Variants in ZNF236 observed in about 807,000 individuals in gnomAD.
The protein encoded by ZNF236 is regulated by glucose.
Under a neutral mutation model 191.2 loss-of-function variants are expected in ZNF236, and 50 were observed. The ratio of observed to expected loss-of-function variants is 0.26; its 90% CI spans 0.21 to 0.33. The LOEUF (loss-of-function observed/expected upper bound fraction) is 0.33, where lower values mean the gene tolerates loss of function less well. Ranked by LOEUF, ZNF236 falls within the 10% of genes least tolerant of loss-of-function variation. The pLI is 1.00. For missense variants in ZNF236, 1,754 were observed against 2,374.5 expected (o/e 0.74, Z 5.43); for synonymous variants, 907 against 928.8 (o/e 0.98, Z 0.43).
chr18:76,934,666 C>T (rs1002148949), intron 25 of ZNF236, among the ~76,000 whole-genome samples: 2 of 152,036 alleles, frequency 1.3e-5, no homozygotes, highest in African/African-American at 2.4e-5. Context: ...TCCCATTCCC[C>T]GGTGTATATT....
intron 1 of ZNF236, chr18:76,824,162 C>G: frequency 1.6e-6 from 1 of 609,326 alleles, no homozygotes. Flanking sequence ...AAGGTCGGGC[C>G]TGGAAACTAC....
intron 30 of ZNF236, among the ~76,000 whole-genome samples, chr18:76,965,195 T>C (rs990009600): frequency 6.6e-6 from 1 of 152,318 alleles, no homozygotes; most frequent in East Asian, 1.9e-4. Flanking sequence ...TTTCAGAGCA[T>C]TTTGCATTTC....
At chr18:76,884,001 C>T (rs998849236) in intron 9 of ZNF236, among the ~76,000 whole-genome samples, 3 of 152,106 alleles carry the variant, frequency 2.0e-5, no homozygotes, top group Non-Finnish European at 2.9e-5. Flanking sequence ...TGAATGTTTT[C>T]GGCGGGATTT....
chr18:76,866,133 G>A (rs1234410183), intron 3 of ZNF236, among the ~76,000 whole-genome samples: 3 of 152,130 alleles, frequency 2.0e-5, no homozygotes, highest in African/African-American at 7.2e-5. Flanking sequence ...CTTCCCTTAA[G>A]GGGTGTTACA....
At chr18:76,898,545 G>T (rs1977500695) in intron 10 of ZNF236, among the ~76,000 whole-genome samples, 1 of 152,210 alleles carries the variant, frequency 6.6e-6, no homozygotes, top group Non-Finnish European at 1.5e-5. Context: ...GAAGATATTA[G>T]TACTATTATC....
In ZNF236 at chr18:76,881,462, T is replaced by C. The variant is rs1000985198; in HGVS notation, c.1367T>C (p.Leu456Pro). Residue 456 changes from leucine (L) to proline (P), a missense_variant, in exon 9 of 31, where the codon CTG (leucine) becomes CCG (proline). Transcript: ENST00000320610. ...QEKEQESPEK[L>P]DKKEKKMIKK... is the part of the protein sequence containing the mutation. ...AAAGAACAGGAAAGCCCGGAGAAAC[T>C]GGATAAAAAAGAAAAAAAAATGATA... 2 of 1,613,104 alleles carry C rather than the reference T, an allele frequency of 1.2e-6. No homozygotes were observed. The highest frequency in any genetic ancestry group is 1.7e-6 in the Non-Finnish European group (2 of 1,179,838).
chr18:76,880,647 T>A lies in ZNF236; in HGVS notation c.1188+331T>A, dbSNP rs1369215645. Among the ~76,000 whole-genome samples the A allele has an allele frequency of 1.3e-5, 2 of 152,128 alleles. No homozygotes were observed. The highest frequency in any genetic ancestry group is 4.1e-4 in the South Asian group (2 of 4,820). On this transcript the variant is annotated intron_variant, in intron 8 of 30. Transcript: ENST00000320610. The surrounding 1 kb of genome is among the most constrained non-coding windows in gnomAD (Gnocchi z 5.0). ...AAAAGCGTTTTATTCTTTCTTGAGGTTCTGGTTTATGATTTGGAGACAGTC... is the reference window on the plus strand; with the variant it reads ...AAAAGCGTTTTATTCTTTCTTGAGGATCTGGTTTATGATTTGGAGACAGTC...
chr18:76,952,384 T>C (rs1404436048), intron 27 of ZNF236, among the ~76,000 whole-genome samples: 1 of 152,252 alleles, frequency 6.6e-6, no homozygotes, highest in Non-Finnish European at 1.5e-5. Flanking sequence ...AATGCTTTCT[T>C]GTCACAGATG....
At chr18:76,950,063 G>C (rs1388028595) in intron 27 of ZNF236, among the ~76,000 whole-genome samples, 2 of 152,136 alleles carry the variant, frequency 1.3e-5, no homozygotes, top group African/African-American at 4.8e-5. Flanking sequence ...TCTTTTTGCT[G>C]GTTGAGGGTC....
intron 27 of ZNF236, among the ~76,000 whole-genome samples, chr18:76,948,550 G>A (rs1399771383): frequency 6.6e-6 from 1 of 152,176 alleles, no homozygotes; most frequent in Non-Finnish European, 1.5e-5. Context: ...GGTTACAATG[G>A]AAGGGTGCAG....
chr18:76,843,835 C>T lies in ZNF236; in HGVS notation c.56-5691C>T, dbSNP rs868496510. Among the ~76,000 whole-genome samples the T allele has an allele frequency of 3.5e-4, 50 of 143,308 alleles. 1 individual carries two copies. The highest frequency in any genetic ancestry group is 1.3e-3 in the African/African-American group (49 of 38,420). The allele number at this position is 143,308 out of a possible 152,430, so 94.0% of individuals were successfully genotyped here. ...AGAAGAGACCGGGCGCAGTGGCTCA[C>T]GCCTGTAATCCCAGCACAGGGAAGA... On this transcript the variant is annotated intron_variant, in intron 1 of 30. Coordinates refer to ENST00000320610, the MANE Select transcript of ZNF236 (RefSeq NM_001306089.2).
rs1227064175 is a variant in ZNF236 at position 76,972,357 on chromosome 18, G to T, written c.*4018G>T. On this transcript the variant is annotated 3_prime_UTR_variant, in exon 31 of 31. Transcript: ENST00000320610. Reference sequence around the variant, plus strand: ...TTGCCACAACATGTCCTGTTTGGTGGCTGGCCCTCTCCGAACGGATTCCCC... The same window carrying T: ...TTGCCACAACATGTCCTGTTTGGTGTCTGGCCCTCTCCGAACGGATTCCCC... Among the ~76,000 whole-genome samples the T allele has an allele frequency of 6.6e-6, 1 of 152,080 alleles. No individual in the cohort carries two copies. The highest frequency in any genetic ancestry group is 1.5e-5 in the Non-Finnish European group (1 of 68,020).
intron 1 of ZNF236, chr18:76,824,456 T>C: frequency 1.3e-6 from 1 of 781,016 alleles, no homozygotes; most frequent in Non-Finnish European, 2.4e-6. Context: ...TTTTGATTAA[T>C]GGTTGATGGT....
chr18:76,954,908 T>G (rs1294188293), intron 27 of ZNF236, among the ~76,000 whole-genome samples: 2 of 152,256 alleles, frequency 1.3e-5, no homozygotes, highest in African/African-American at 4.8e-5. Flanking sequence ...ATAGCACAGA[T>G]TAATAATATA....
Position 76,900,598 on chromosome 18 carries a change from T to G in ZNF236, c.1894+1376T>G, listed in dbSNP as rs549528834. Among the ~76,000 whole-genome samples, 10 of 152,302 alleles carry G rather than the reference T, an allele frequency of 6.6e-5. No homozygotes were observed. In the South Asian group the frequency reaches 2.1e-3, roughly 32 times the overall value. ...ACTTATAAAATAGCCATCCAAAATT[T>G]CATTACATGAAAAGAAGGACTCGAA... On this transcript the variant is annotated intron_variant, in intron 11 of 30. Coordinates refer to ENST00000320610, the MANE Select transcript of ZNF236 (RefSeq NM_001306089.2).
In ZNF236 at chr18:76,925,298, T is replaced by C; in HGVS notation, c.3771T>C (p.His1257=). 1 of 1,614,148 alleles carries C rather than the reference T, an allele frequency of 6.2e-7. No individual in the cohort carries two copies. The highest frequency in any genetic ancestry group is 8.5e-7 in the Non-Finnish European group (1 of 1,180,010). Residue 1257 remains histidine, a synonymous_variant, in exon 22 of 31, where the codon CAT becomes CAC. Coordinates refer to ENST00000320610, the MANE Select transcript of ZNF236 (RefSeq NM_001306089.2). This position sits in a 1 kb window ranked among gnomAD's most constrained non-coding sequence, Gnocchi z 5.7. ...HTGAKPFKCP[H]CELRFRTSGR... is the part of the protein sequence containing the mutation. ...GAGCCAAGCCCTTCAAATGCCCGCA[T>C]TGCGAGCTGCGTTTCCGTACCTCGG...
intron 1 of ZNF236, chr18:76,824,175 A>G: frequency 1.6e-6 from 1 of 628,044 alleles, no homozygotes; most frequent in Non-Finnish European, 2.9e-6. Context: ...GAAACTACAA[A>G]GGATTGTGTT....
At chr18:76,842,868 G>A (rs1162193581) in intron 1 of ZNF236, among the ~76,000 whole-genome samples, 2 of 152,152 alleles carry the variant, frequency 1.3e-5, no homozygotes, top group Non-Finnish European at 2.9e-5. Context: ...CCACTTATGA[G>A]TAAATACATT....
intron 26 of ZNF236, among the ~76,000 whole-genome samples, chr18:76,941,744 T>C (rs1206084308): frequency 6.6e-6 from 1 of 152,202 alleles, no homozygotes; most frequent in Non-Finnish European, 1.5e-5. Flanking sequence ...TTTCTGTACT[T>C]TAAAAAAAAT....
Sources: allele counts gnomAD v4.1 joint callset (sites outside exome capture counted in the v4.1 genomes callset), GRCh38; gene constraint gnomAD v4.1.1; non-coding constraint Gnocchi (gnomAD v3.1); transcripts MANE v1.5; gene names NCBI Gene and HGNC (gene_info 2026-07-23, HGNC 2026-07-21).